Variants in ACSS1 observed in about 807,000 individuals in gnomAD.
ACSS1 encodes the protein acyl-CoA synthetase short chain family member 1, also known as acetyl-coenzyme A synthetase 2-like, mitochondrial.
In ACSS1, 42 loss-of-function variants were observed where a neutral mutation model predicts 75.3. The ratio of observed to expected loss-of-function variants is 0.56; its 90% CI spans 0.44 to 0.72. The LOEUF (loss-of-function observed/expected upper bound fraction) is 0.72, where lower values mean the gene tolerates loss of function less well. Among genes scored for constraint, ACSS1 ranks in the 30% least tolerant of loss-of-function variants. The pLI is 0.00. For missense variants in ACSS1, 782 were observed against 935.7 expected, an observed-to-expected ratio of 0.84 and a Z score of 2.14; for synonymous variants, 380 against 376.8, an observed-to-expected ratio of 1.01 and a Z score of -0.10.
In ACSS1 at chr20:25,012,888, TG is replaced by T; in HGVS notation, c.1630del (p.Gln544ArgfsTer55). The T allele has an allele frequency of 6.2e-7, 1 of 1,614,158 alleles. No individual in the cohort carries two copies. Among genetic ancestry groups the T allele is most frequent in the Non-Finnish European group, 8.5e-7 (1 of 1,180,034 alleles). On this transcript the variant is annotated frameshift_variant, in exon 11 of 14. Coordinates refer to ENST00000323482, the MANE Select transcript of ACSS1 (RefSeq NM_032501.4). LOFTEE classifies it high-confidence loss of function. Reference sequence around the variant, plus strand: ...GACATCATCCATCCGCCCTGTGATCTGGTAATAGCCGCCCTCAGTTCGGTAA... The same window carrying T: ...GACATCATCCATCCGCCCTGTGATCTGTAATAGCCGCCCTCAGTTCGGTAA... ...GAYRTEGGYY[Q>X]ITGRMDDVIN...
At chr20:25,029,613 C>T (rs2088786894) in intron 3 of ACSS1, among the ~76,000 whole-genome samples, 1 of 152,136 alleles carries the variant, frequency 6.6e-6, no homozygotes, top group South Asian at 2.1e-4. Flanking sequence ...ACCCAAATGG[C>T]CATCAATGAA....
At position 25,007,257 on chromosome 20, in the gene ACSS1, C is replaced by T. The variant is rs949233545; in HGVS notation, c.*505G>A. 3 of 1,138,288 alleles carry T rather than the reference C, an allele frequency of 2.6e-6. No homozygotes were observed. Among genetic ancestry groups the T allele is most frequent in the Non-Finnish European group, 3.2e-6 (3 of 925,548 alleles). 70.5% of individuals were successfully genotyped at this position (1,138,288 alleles called of 1,614,324 possible). ...GAGGCAAAAAAGGAGATTTTCATAA[C>T]TACATGTTAAAAAGAACATGTTCAA... On this transcript the variant is annotated 3_prime_UTR_variant, in exon 14 of 14. Coordinates refer to ENST00000323482, the MANE Select transcript of ACSS1 (RefSeq NM_032501.4).
Position 25,057,943 on chromosome 20 carries a change from G to GTGCTGC in ACSS1, c.154_159dup (p.Ala52_Ala53dup). 1 of 1,603,950 alleles carries GTGCTGC rather than the reference G, an allele frequency of 6.2e-7. No individual in the cohort carries two copies. The highest frequency in any genetic ancestry group is 1.1e-5 in the South Asian group (1 of 90,112). On this transcript the variant is annotated inframe_insertion, in exon 1 of 14. Transcript: ENST00000323482. ...CTCAGCGCGGGATACGAGCCTGGCT[G>GTGCTGC]TGCTGCTGCTGCTGCAACTGCGGGA...
intron 7 of ACSS1, among the ~76,000 whole-genome samples, chr20:25,019,436 T>G (rs1173977166): frequency 6.6e-6 from 1 of 152,196 alleles, no homozygotes; most frequent in East Asian, 1.9e-4. Context: ...AGGGCAAAAG[T>G]GCAGGATGGT....
chr20:25,021,334 A>AGGC, intron 6 of ACSS1, 55 bp downstream of exon 6: 1 of 1,590,124 alleles, frequency 6.3e-7, no homozygotes, highest in Non-Finnish European at 8.6e-7. Context: ...CTCGAGCCTC[A>AGGC]GGCTCTCTCC....
At position 25,006,948 on chromosome 20, in the gene ACSS1, A is replaced by G. The variant is rs748043979; in HGVS notation, c.*814T>C. The G allele has an allele frequency of 6.5e-7, 1 of 1,535,378 alleles. No individual in the cohort carries two copies. The highest frequency in any genetic ancestry group is 1.2e-5 in the South Asian group (1 of 84,034). On this transcript the variant is annotated 3_prime_UTR_variant, in exon 14 of 14. Coordinates refer to ENST00000323482, the MANE Select transcript of ACSS1 (RefSeq NM_032501.4). ...TATGTTGCCTCTCCTATCAAGAGGC[A>G]TCTGGGGGCACAAAAATCTTTCTGG...
At chr20:25,021,327 G>A (rs574821915) in intron 6 of ACSS1, 62 bp downstream of exon 6, 43 of 1,578,876 alleles carry the variant, frequency 2.7e-5, no homozygotes, top group Admixed American at 7.1e-5. Flanking sequence ...CACAAGCCTC[G>A]AGCCTCAGGC....
At chr20:25,048,220 C>T in intron 1 of ACSS1, 39 bp from the exon 2 acceptor site, 1 of 1,590,416 alleles carries the variant, frequency 6.3e-7, no homozygotes, top group East Asian at 2.2e-5. Flanking sequence ...ACACTTGGTG[C>T]TTTTTGAGTG....
At chr20:25,012,164 A>G (rs56110984) in intron 12 of ACSS1, 20,321 of 223,454 alleles carry the variant, frequency 0.091, 1,076 homozygotes, top group African/African-American at 0.11. Context: ...CAGCCTGCAC[A>G]CTCCAGAGCA....
At chr20:25,023,315 C>A (rs1381423520) in intron 4 of ACSS1, 151 bp downstream of exon 4, 5 of 1,067,214 alleles carry the variant, frequency 4.7e-6, no homozygotes, top group Non-Finnish European at 6.6e-6. Flanking sequence ...GGAGTTTTAT[C>A]TTCCCAGTCA....
chr20:25,035,049 C>T (rs2088887721), intron 2 of ACSS1, among the ~76,000 whole-genome samples: 1 of 151,952 alleles, frequency 6.6e-6, no homozygotes. Context: ...TGCCCGCCAC[C>T]ACGCCTGGCT....
chr20:25,023,384 T>C, intron 4 of ACSS1, 82 bp downstream of exon 4: 1 of 1,551,296 alleles, frequency 6.4e-7, no homozygotes. Context: ...GAACCCAAAT[T>C]GAGAACCACA....
In ACSS1 at chr20:25,033,959, C is replaced by T. The variant is rs556207930; in HGVS notation, c.432-3001G>A. Among the ~76,000 whole-genome samples the T allele has an allele frequency of 2.0e-5, 3 of 152,300 alleles. No individual in the cohort carries two copies. In the South Asian group the frequency reaches 6.2e-4, roughly 32 times the overall value. ...GTTTCCCTGGAAGACTGAGGGGCCTCAACATGGGCCCAAGAGCTGAAGCAG... is the reference window on the plus strand; with the variant it reads ...GTTTCCCTGGAAGACTGAGGGGCCTTAACATGGGCCCAAGAGCTGAAGCAG... On this transcript the variant is annotated intron_variant, in intron 2 of 13. Coordinates refer to ENST00000323482, the MANE Select transcript of ACSS1 (RefSeq NM_032501.4).
At chr20:25,050,340 G>A (rs2089158529) in intron 1 of ACSS1, among the ~76,000 whole-genome samples, 1 of 152,078 alleles carries the variant, frequency 6.6e-6, no homozygotes, top group South Asian at 2.1e-4. Flanking sequence ...ATGATGCTAT[G>A]ACAAGCCTGG....
intron 2 of ACSS1, among the ~76,000 whole-genome samples, chr20:25,045,028 C>T (rs1463234247): frequency 6.6e-6 from 1 of 152,250 alleles, no homozygotes; most frequent in Non-Finnish European, 1.5e-5. Context: ...CGAGGTCCAA[C>T]CTCGCTGCCC....
chr20:25,028,040 A>C (rs948865696), intron 3 of ACSS1, among the ~76,000 whole-genome samples: 2 of 152,216 alleles, frequency 1.3e-5, no homozygotes, highest in African/African-American at 4.8e-5. Flanking sequence ...TAAAAGAATA[A>C]GATACTTAGG....
At position 25,012,929 on chromosome 20, in the gene ACSS1, GAAGT is replaced by G; in HGVS notation, c.1586_1589del (p.Tyr529SerfsTer69). The G allele has an allele frequency of 6.2e-7, 1 of 1,614,214 alleles. No homozygotes were observed. The highest frequency in any genetic ancestry group is 8.5e-7 in the Non-Finnish European group (1 of 1,180,040). On this transcript the variant is annotated frameshift_variant, in exon 11 of 14. Transcript: ENST00000323482. LOFTEE classifies it high-confidence loss of function. ...CAGTTCGGTAAGCCCCGTCTCCAGT[GAAGT>G]AATAGCCTGCACCACAGCAGGGAAA...
intron 2 of ACSS1, among the ~76,000 whole-genome samples, chr20:25,035,813 T>C (rs1192284093): frequency 5.3e-5 from 8 of 152,364 alleles, no homozygotes; most frequent in Admixed American, 1.3e-4. Flanking sequence ...CTTCAAATCA[T>C]TGAAAAATAA....
chr20:25,037,349 G>C (rs2088930616), intron 2 of ACSS1, among the ~76,000 whole-genome samples: 1 of 152,174 alleles, frequency 6.6e-6, no homozygotes, highest in South Asian at 2.1e-4. Flanking sequence ...TGAGGGGCTA[G>C]GCTGCTGTCA....
Sources: allele counts gnomAD v4.1 joint callset (sites outside exome capture counted in the v4.1 genomes callset), GRCh38; gene constraint gnomAD v4.1.1; transcripts MANE v1.5; gene names NCBI Gene and HGNC (gene_info 2026-07-23, HGNC 2026-07-21).